The following FHL2 variants were observed in gnomAD, a reference collection of about 807,000 sequenced individuals.
FHL2 encodes four and a half LIM domains 2.
In FHL2, 20 loss-of-function variants were observed where a neutral mutation model predicts 32.7. The observed-to-expected ratio is 0.61, with a 90% CI of 0.43 to 0.89. The LOEUF is 0.89. Among genes scored for constraint, FHL2 ranks in the 40% least tolerant of loss-of-function variants. The pLI, the probability that FHL2 is intolerant of heterozygous loss-of-function variation, is 0.00. For synonymous variants in FHL2, 123 were observed against 128.1 expected (o/e 0.96, Z 0.27); for missense variants, 311 against 358.6 (o/e 0.87, Z 1.07).
intron 1 of FHL2, among the ~76,000 whole-genome samples, chr2:105,429,170 C>T (rs894321069): frequency 3.3e-5 from 5 of 152,150 alleles, no homozygotes; most frequent in South Asian, 2.1e-4. Context: ...GGAAAAAGGA[C>T]TTAATAAACA....
rs893792511 is a variant in FHL2, at chr2:105,425,469, A to G, written c.-25+12930T>C. Among the ~76,000 whole-genome samples the G allele has an allele frequency of 3.0e-4, 45 of 152,130 alleles. 1 individual carries two copies. The highest frequency in any genetic ancestry group is 1.1e-3 in the African/African-American group (45 of 41,516). On this transcript the variant is annotated intron_variant, in intron 1 of 5. Coordinates refer to the FHL2 transcript ENST00000393352. ...AAAGACCTGACTGTCCCCCAGCCCA[A>G]CACCCGTAAAGGGTCTGTGCTGAGG...
rs1179901340 is a variant in FHL2, at chr2:105,398,925, G to GC, written c.-160dup. On this transcript the variant is annotated 5_prime_UTR_variant, in exon 1 of 7. Transcript: ENST00000530340. Reference sequence around the variant, plus strand: ...CCCACTTCCGAGCCCTGGTGGCTAAGCCCCTCGGCCTCCCTCCGGGGCGCA... The same window carrying GC: ...CCCACTTCCGAGCCCTGGTGGCTAAGCCCCCTCGGCCTCCCTCCGGGGCGCA... 6.5e-7 allele frequency: 1 copy of GC among 1,538,816 alleles called. No homozygotes were observed.
intron 3 of FHL2, among the ~76,000 whole-genome samples, chr2:105,380,444 G>C (rs1291938643): frequency 6.6e-6 from 1 of 152,068 alleles, no homozygotes; most frequent in Non-Finnish European, 1.5e-5. Context: ...GCCCAGGCTG[G>C]TCTCAAACTC....
chr2:105,419,140 A>C (rs1684024551), intron 1 of FHL2, among the ~76,000 whole-genome samples: 1 of 152,230 alleles, frequency 6.6e-6, no homozygotes, highest in Non-Finnish European at 1.5e-5. Context: ...AGGCCACTGG[A>C]GAATCAAAAT....
intron 1 of FHL2, among the ~76,000 whole-genome samples, chr2:105,434,344 G>T (rs550017418): frequency 2.2e-4 from 34 of 152,334 alleles, no homozygotes; most frequent in African/African-American, 7.9e-4. Flanking sequence ...GGCTGAGGTG[G>T]GCGGATCGCC....
rs566603637 is a variant in FHL2, at chr2:105,370,946, A to G, written c.331+2613T>C. Reference sequence around the variant, plus strand: ...GGCTGGAAGCTGTAGCTGTGTTGTTATTATTACTACACAGCATTTCTTACC... The same window carrying G: ...GGCTGGAAGCTGTAGCTGTGTTGTTGTTATTACTACACAGCATTTCTTACC... On this transcript the variant is annotated intron_variant, in intron 4 of 6. Transcript: ENST00000530340. Among the ~76,000 whole-genome samples the G allele has an allele frequency of 2.3e-4, 35 of 152,210 alleles. 1 individual carries two copies. The South Asian group carries it at 6.4e-3, about 28-fold the overall frequency.
intron 1 of FHL2, among the ~76,000 whole-genome samples, chr2:105,427,747 G>A (rs1050917470): frequency 6.6e-6 from 1 of 152,184 alleles, no homozygotes; most frequent in African/African-American, 2.4e-5. Flanking sequence ...TGTGCTTACA[G>A]CTAAGGCAGC....
At chr2:105,383,870 T>G (rs1465579352) in intron 3 of FHL2, among the ~76,000 whole-genome samples, 1 of 152,272 alleles carries the variant, frequency 6.6e-6, no homozygotes, top group Non-Finnish European at 1.5e-5. Flanking sequence ...TGTCTCTTTT[T>G]GTTCCAAAAT....
chr2:105,399,503 C>A, upstream of FHL2: 1 of 1,536,162 alleles, frequency 6.5e-7, no homozygotes, highest in Non-Finnish European at 8.7e-7. Flanking sequence ...TCCTTCTTAC[C>A]CTGCAGATGC....
In FHL2 at chr2:105,399,043, C is replaced by G. The variant is rs1198099772; in HGVS notation, c.-277G>C. 4.0e-6 allele frequency: 6 copies of G among 1,495,986 alleles called. No individual in the cohort carries two copies. In the South Asian group the frequency reaches 5.1e-5, roughly 13 times the overall value. 92.7% of individuals were successfully genotyped at this position (1,495,986 alleles called of 1,614,324 possible). A position where few individuals can be genotyped will look rare whatever the true frequency, so the allele number is the denominator to read the frequency against. On this transcript the variant is annotated 5_prime_UTR_variant, in exon 1 of 7. Transcript: ENST00000530340. ...CGGCTGGTGGCTGCGGCTCCGCTGC[C>G]GGCCGAGTGGAGCGCTGCGCAGCTC...
Position 105,363,413 on chromosome 2 carries a change from A to G in FHL2, c.560T>C (p.Val187Ala). ...REQPWHKECF[V>A]CTACRKQLSG... ...CAGCTGCTTCCTGCAGGCGGTGCACACGAAGCACTCCTTGTGCCAGGGCTG... is the reference window on the plus strand; with the variant it reads ...CAGCTGCTTCCTGCAGGCGGTGCACGCGAAGCACTCCTTGTGCCAGGGCTG... Residue 187 changes from valine to alanine, a missense_variant, in exon 6 of 7, where the codon GTG (valine) becomes GCG (alanine). By Grantham distance (64) the Val-to-Ala change is moderately conservative. Coordinates refer to ENST00000530340, the MANE Select transcript of FHL2 (RefSeq NM_001318895.3). The G allele has an allele frequency of 6.2e-7, 1 of 1,613,416 alleles. No homozygotes were observed. The highest frequency in any genetic ancestry group is 8.5e-7 in the Non-Finnish European group (1 of 1,179,748).
At chr2:105,387,532 A>G (rs1682412970) in intron 2 of FHL2, among the ~76,000 whole-genome samples, 1 of 152,252 alleles carries the variant, frequency 6.6e-6, no homozygotes, top group African/African-American at 2.4e-5. Flanking sequence ...AAACAATGAT[A>G]TCAAATAGTC....
intron 1 of FHL2, among the ~76,000 whole-genome samples, chr2:105,424,065 C>T (rs987441333): frequency 2.0e-5 from 3 of 152,064 alleles, no homozygotes; most frequent in East Asian, 1.9e-4. Context: ...ACAGTAAAAT[C>T]AACTATCATC....
chr2:105,415,622 T>G (rs1256474993), intron 1 of FHL2, among the ~76,000 whole-genome samples: 1 of 152,172 alleles, frequency 6.6e-6, no homozygotes, highest in Non-Finnish European at 1.5e-5. Context: ...TGTGACACAG[T>G]TTGCAAGAAC....
chr2:105,434,340 G>A (rs11124033), intron 1 of FHL2, among the ~76,000 whole-genome samples: 47,959 of 152,132 alleles, frequency 0.32, 8,553 homozygotes, highest in Non-Finnish European at 0.39. Context: ...GGGAGGCTGA[G>A]GTGGGCGGAT....
intron 4 of FHL2, among the ~76,000 whole-genome samples, chr2:105,370,870 C>G (rs569048286): frequency 6.6e-6 from 1 of 152,128 alleles, no homozygotes; most frequent in Admixed American, 6.5e-5. Context: ...ACCGAAGATT[C>G]AATGGGATTC....
intron 1 of FHL2, among the ~76,000 whole-genome samples, chr2:105,419,009 C>T (rs1221971372): frequency 6.6e-6 from 1 of 152,136 alleles, no homozygotes; most frequent in African/African-American, 2.4e-5. Context: ...TTATCCCCAC[C>T]AGATAAGGGG....
At chr2:105,420,873 T>G (rs1684082392) in intron 1 of FHL2, among the ~76,000 whole-genome samples, 1 of 152,166 alleles carries the variant, frequency 6.6e-6, no homozygotes, top group African/African-American at 2.4e-5. Flanking sequence ...GGGGAATGCT[T>G]CTCGCCTGCT....
intron 1 of FHL2, among the ~76,000 whole-genome samples, chr2:105,416,450 C>T (rs1157413211): frequency 6.6e-6 from 1 of 152,250 alleles, no homozygotes; most frequent in East Asian, 1.9e-4. Context: ...TGATAGCCAT[C>T]TCAGATCATC....
Sources: allele counts gnomAD v4.1 joint callset (sites outside exome capture counted in the v4.1 genomes callset), GRCh38; gene constraint gnomAD v4.1.1; transcripts MANE v1.5; gene names NCBI Gene and HGNC (gene_info 2026-07-23, HGNC 2026-07-21).